Variants in ABCB1 observed in about 807,000 individuals in gnomAD.
ABCB1 encodes the protein ATP-dependent translocase ABCB1.
Under a neutral mutation model 142.0 loss-of-function variants are expected in ABCB1, and 69 were observed. That is an observed-to-expected ratio of 0.49 (90% CI 0.40 to 0.59). ABCB1 has a LOEUF of 0.59. ABCB1 is among the 20% of genes least tolerant of loss of function. The pLI is 0.00. For synonymous variants in ABCB1, 532 were observed against 539.2 expected (o/e 0.99, Z 0.18); for missense variants, 1,326 against 1,554.7 (o/e 0.85, Z 2.47).
intron 1 of ABCB1, among the ~76,000 whole-genome samples, chr7:87,694,794 A>C (rs567635859): frequency 6.6e-6 from 1 of 152,314 alleles, no homozygotes; most frequent in South Asian, 2.1e-4. Flanking sequence ...TTTCAGAGAG[A>C]GTAAAATTAC....
At chr7:87,522,093 T>A in intron 21 of ABCB1, 1 of 1,242,526 alleles carries the variant, frequency 8.0e-7, no homozygotes, top group Non-Finnish European at 1.2e-6. Flanking sequence ...GTAGTTTCGG[T>A]GGGAATGACA....
intron 1 of ABCB1, among the ~76,000 whole-genome samples, chr7:87,672,139 C>T (rs903660471): frequency 6.6e-6 from 1 of 152,272 alleles, no homozygotes; most frequent in Non-Finnish European, 1.5e-5. Context: ...GGAGCATCAT[C>T]CCAGGGAGAA....
At chr7:87,553,665 G>A in intron 9 of ABCB1, 96 bp downstream of exon 9, 1 of 1,347,750 alleles carries the variant, frequency 7.4e-7, no homozygotes, top group Non-Finnish European at 1.0e-6. Flanking sequence ...GTATTCAACA[G>A]TTGTTCAAAA....
intron 21 of ABCB1, among the ~76,000 whole-genome samples, chr7:87,528,159 T>G (rs113158842): frequency 3.2e-4 from 48 of 152,226 alleles, no homozygotes; most frequent in African/African-American, 1.1e-3. Flanking sequence ...TCCCATAACA[T>G]GTGAAGATTA....
chr7:87,700,402 C>T lies in ABCB1; in HGVS notation c.-331+12759G>A, dbSNP rs189432463. On this transcript the variant is annotated intron_variant, in intron 1 of 28. Coordinates refer to the ABCB1 transcript ENST00000265724. ...TATTTTACTTTTTAAAATTTTATAT[C>T]GCAATTTGTCTCCTGAAGGTCAAGT... 53 of 1,558,856 alleles carry T rather than the reference C, an allele frequency of 3.4e-5. No homozygotes were observed. In the East Asian group the frequency reaches 5.0e-4, roughly 15 times the overall value.
chr7:87,700,837 G>A (rs1185911926), intron 1 of ABCB1, among the ~76,000 whole-genome samples: 1 of 152,160 alleles, frequency 6.6e-6, no homozygotes, highest in African/African-American at 2.4e-5. Context: ...CCTTTTCGCT[G>A]TGTTGATATT....
At chr7:87,667,395 A>C (rs553634205) in intron 1 of ABCB1, among the ~76,000 whole-genome samples, 1 of 150,930 alleles carries the variant, frequency 6.6e-6, no homozygotes, top group African/African-American at 2.4e-5. Flanking sequence ...GGCCAAGACT[A>C]TGTTTTTTTT....
intron 1 of ABCB1, among the ~76,000 whole-genome samples, chr7:87,639,539 G>A (rs1200935694): frequency 6.6e-6 from 1 of 152,002 alleles, no homozygotes; most frequent in Non-Finnish European, 1.5e-5. Context: ...TTTTAGTTTT[G>A]TGATTTTTAC....
At chr7:87,539,211 A>G in intron 19 of ABCB1, 57 bp downstream of exon 19, 1 of 1,549,630 alleles carries the variant, frequency 6.5e-7, no homozygotes, top group Non-Finnish European at 8.9e-7. Flanking sequence ...GTCTGAGTCC[A>G]AGGGGCACAC....
Position 87,519,322 on chromosome 7 carries a change from T to C in ABCB1, c.2927+4A>G, listed in dbSNP as rs2117094318. On this transcript the variant is annotated splice_donor_region_variant and intron_variant, in intron 23 of 27. Coordinates refer to ENST00000622132, the MANE Select transcript of ABCB1 (RefSeq NM_001348946.2). ...GCTTAACTAAATAATAGCCCAATAC[T>C]TACAACAGAACATCCTCAAAGCTCA... 1 of 1,613,804 alleles carries C rather than the reference T, an allele frequency of 6.2e-7. No individual in the cohort carries two copies. Among genetic ancestry groups the C allele is most frequent in the Middle Eastern group, 1.6e-4 (1 of 6,062 alleles).
intron 1 of ABCB1, among the ~76,000 whole-genome samples, chr7:87,606,834 T>A (rs1378281881): frequency 1.3e-5 from 2 of 152,082 alleles, no homozygotes; most frequent in African/African-American, 4.8e-5. Context: ...TAATATTTTT[T>A]ATAAAAGTTT....
intron 1 of ABCB1, among the ~76,000 whole-genome samples, chr7:87,684,879 A>G (rs1585096611): frequency 6.6e-6 from 1 of 152,144 alleles, no homozygotes; most frequent in East Asian, 1.9e-4. Flanking sequence ...CTTTAAGAAT[A>G]ATAGGCTAGG....
chr7:87,510,289 T>C (rs1814951023), intron 25 of ABCB1, among the ~76,000 whole-genome samples: 1 of 152,156 alleles, frequency 6.6e-6, no homozygotes, highest in Non-Finnish European at 1.5e-5. Flanking sequence ...ACATAATAGC[T>C]TTGCAGGTCA....
chr7:87,633,073 G>C (rs1053815557), intron 1 of ABCB1, among the ~76,000 whole-genome samples: 2 of 152,132 alleles, frequency 1.3e-5, no homozygotes, highest in African/African-American at 2.4e-5. Flanking sequence ...TATTATTTCA[G>C]AACTTGAATA....
intron 3 of ABCB1, among the ~76,000 whole-genome samples, chr7:87,587,687 C>T (rs915640487): frequency 4.0e-5 from 6 of 151,876 alleles, no homozygotes; most frequent in Non-Finnish European, 7.4e-5. Flanking sequence ...CTGGCTAACA[C>T]AGTGAAACCC....
chr7:87,705,978 C>T (rs1398829279), intron 1 of ABCB1, among the ~76,000 whole-genome samples: 1 of 152,038 alleles, frequency 6.6e-6, no homozygotes, highest in Non-Finnish European at 1.5e-5. Context: ...TGAGTTCTTC[C>T]TGTCTTCTTG....
intron 1 of ABCB1, among the ~76,000 whole-genome samples, chr7:87,660,078 T>G (rs533250107): frequency 5.8e-4 from 88 of 152,272 alleles, no homozygotes; most frequent in African/African-American, 2.1e-3. Flanking sequence ...TGTGCTTTTT[T>G]GGGTTTTGTT....
intron 4 of ABCB1, among the ~76,000 whole-genome samples, chr7:87,574,727 A>G (rs1319234565): frequency 6.6e-6 from 1 of 152,234 alleles, no homozygotes; most frequent in African/African-American, 2.4e-5. Flanking sequence ...CTAAAGTATT[A>G]CATCATCTTA....
chr7:87,658,852 A>G (rs1030319076), intron 1 of ABCB1, among the ~76,000 whole-genome samples: 1 of 152,186 alleles, frequency 6.6e-6, no homozygotes, highest in African/African-American at 2.4e-5. Context: ...CCCTCAAATA[A>G]TGGTTAAAGA....
Sources: allele counts gnomAD v4.1 joint callset (sites outside exome capture counted in the v4.1 genomes callset), GRCh38; gene constraint gnomAD v4.1.1; transcripts MANE v1.5; gene names NCBI Gene and HGNC (gene_info 2026-07-23, HGNC 2026-07-21).